Variants in STK24 observed in about 807,000 individuals in gnomAD.
STK24 encodes serine/threonine-protein kinase 24.
In STK24, 21 loss-of-function variants were observed where a neutral mutation model predicts 55.6. The observed-to-expected ratio is 0.38, with a 90% CI of 0.27 to 0.54. The LOEUF (loss-of-function observed/expected upper bound fraction) is 0.54. Ranked by LOEUF, STK24 falls within the 20% of genes least tolerant of loss-of-function variation. STK24 has a pLI of 0.79. For synonymous variants in STK24, 200 were observed against 215.2 expected, an observed-to-expected ratio of 0.93 and a Z score of 0.62; for missense variants, 383 against 538.4, an observed-to-expected ratio of 0.71 and a Z score of 2.86.
At chr13:98,489,728 G>A (rs1386918690) in intron 2 of STK24, among the ~76,000 whole-genome samples, 1 of 152,210 alleles carries the variant, frequency 6.6e-6, no homozygotes, top group African/African-American at 2.4e-5. Flanking sequence ...GGCTCAGGTG[G>A]AGAAGAGGAG....
At chr13:98,545,375 A>G (rs1211370726) in intron 1 of STK24, among the ~76,000 whole-genome samples, 2 of 152,210 alleles carry the variant, frequency 1.3e-5, no homozygotes, top group East Asian at 3.9e-4. Context: ...GGCCGGGCGC[A>G]GTGGCTCATG....
rs60623094 is a variant in STK24, at chr13:98,469,542, C to A, written c.598-2981G>T. Among the ~76,000 whole-genome samples, 13 of 133,912 alleles carry A rather than the reference C, an allele frequency of 9.7e-5. No individual in the cohort carries two copies. The South Asian group carries it at 1.2e-3, about 12-fold the overall frequency. The allele number at this position is 133,912 out of a possible 152,430, so 87.9% of individuals were successfully genotyped here. A position where few individuals can be genotyped will look rare whatever the true frequency, so the allele number is the denominator to read the frequency against. Reference sequence around the variant, plus strand: ...CAGAGCAAGACCCTGCATCCCCCCCCCCAAAAAAAAAAGGCGGCGGGGGGA... The same window carrying A: ...CAGAGCAAGACCCTGCATCCCCCCCACCAAAAAAAAAAGGCGGCGGGGGGA... On this transcript the variant is annotated intron_variant, in intron 5 of 10. Coordinates refer to ENST00000539966, the MANE Select transcript of STK24 (RefSeq NM_001032296.4).
intron 2 of STK24, among the ~76,000 whole-genome samples, chr13:98,499,837 A>G (rs529703337): frequency 1.3e-3 from 197 of 152,330 alleles, no homozygotes; most frequent in Non-Finnish European, 1.4e-3. Flanking sequence ...TTCTTAACTG[A>G]AAGGACTAAA....
intron 3 of STK24, among the ~76,000 whole-genome samples, chr13:98,478,632 A>T (rs570378298): frequency 2.6e-5 from 4 of 152,224 alleles, no homozygotes; most frequent in Non-Finnish European, 4.4e-5. Context: ...TAGAGCTGCT[A>T]TGATGGCAAC....
chr13:98,576,802 C>T lies in STK24; in HGVS notation c.-16G>A. 7.2e-7 allele frequency: 1 copy of T among 1,381,360 alleles called. No individual in the cohort carries two copies. Among genetic ancestry groups the T allele is most frequent in the Non-Finnish European group, 9.4e-7 (1 of 1,062,510 alleles). The allele number at this position is 1,381,360 out of a possible 1,614,324, so 85.6% of individuals were successfully genotyped here. On this transcript the variant is annotated 5_prime_UTR_variant, in exon 1 of 11. Coordinates refer to ENST00000539966, the MANE Select transcript of STK24 (RefSeq NM_001032296.4). ...AGTGAGCCATGGCGCTCAGGACGGC[C>T]ACTTCCTGGGACGGGACGGCCGGGC...
chr13:98,492,204 G>A (rs1327574956), intron 2 of STK24, among the ~76,000 whole-genome samples: 2 of 151,886 alleles, frequency 1.3e-5, no homozygotes, highest in Non-Finnish European at 2.9e-5. Flanking sequence ...ACTCCTTCAG[G>A]GCACAGTATT....
intron 1 of STK24, among the ~76,000 whole-genome samples, chr13:98,576,515 G>A (rs1309951259): frequency 3.3e-5 from 5 of 152,080 alleles, no homozygotes; most frequent in Non-Finnish European, 7.4e-5. Context: ...CCGGACCCAG[G>A]CCGCGGTTCC....
At chr13:98,538,654 C>T (rs1896801390) in intron 1 of STK24, among the ~76,000 whole-genome samples, 1 of 152,096 alleles carries the variant, frequency 6.6e-6, no homozygotes, top group African/African-American at 2.4e-5. Context: ...TCTCCTAGTC[C>T]TCTATTCTGG....
In STK24 at chr13:98,448,165, AGCGATGCC is replaced by A. The variant is rs1183044533; in HGVS notation, c.*5000_*5007del. The A allele has an allele frequency of 3.9e-4, 514 of 1,309,796 alleles. No individual in the cohort carries two copies. In the African/African-American group the frequency reaches 4.8e-3, roughly 12 times the overall value. 81.1% of individuals were successfully genotyped at this position (1,309,796 alleles called of 1,614,324 possible). A position where few individuals can be genotyped will look rare whatever the true frequency, so the allele number is the denominator to read the frequency against. ...CCTGACTTCACCTTGTGTTTCTGTA[AGCGATGCC>A]CACCAAAGTGTCAGGAGTCCGTCCA... is the stretch of plus-strand genomic sequence containing the variant. On this transcript the variant is annotated 3_prime_UTR_variant, in exon 11 of 11. Transcript: ENST00000539966.
At chr13:98,536,347 AT>A (rs1896735377) in intron 1 of STK24, among the ~76,000 whole-genome samples, 1 of 151,306 alleles carries the variant, frequency 6.6e-6, no homozygotes. Flanking sequence ...TCTGTTGCAT[AT>A]TCTTCTTCTA....
At chr13:98,505,904 G>A (rs1246132925) in intron 2 of STK24, among the ~76,000 whole-genome samples, 1 of 152,176 alleles carries the variant, frequency 6.6e-6, no homozygotes, top group Non-Finnish European at 1.5e-5. Flanking sequence ...TCAGAATACT[G>A]TTAACAGTTA....
intron 6 of STK24, 66 bp downstream of exon 6, chr13:98,466,310 C>T (rs1426928898): frequency 1.5e-5 from 23 of 1,511,980 alleles, no homozygotes; most frequent in African/African-American, 2.8e-5. Flanking sequence ...GCAATCCCAA[C>T]AGGATGTATC....
rs1190542753 is a variant in STK24 at position 98,452,103 on chromosome 13, C to T, written c.*1070G>A. ...CCACGAGTACACACGCACGGCCACA[C>T]ATACACAGCAGGTGCCCTGTCCTCT... On this transcript the variant is annotated 3_prime_UTR_variant, in exon 11 of 11. Coordinates refer to ENST00000539966, the MANE Select transcript of STK24 (RefSeq NM_001032296.4). 6.6e-6 allele frequency: 1 copy of T among 152,236 alleles called. No individual in the cohort carries two copies. Among genetic ancestry groups the T allele is most frequent in the Admixed American group, 6.5e-5 (1 of 15,278 alleles). 9.4% of individuals were successfully genotyped at this position (152,236 alleles called of 1,614,324 possible).
At chr13:98,482,055 A>T (rs1388222445) in intron 3 of STK24, among the ~76,000 whole-genome samples, 1 of 151,578 alleles carries the variant, frequency 6.6e-6, no homozygotes, top group East Asian at 1.9e-4. Flanking sequence ...TAACAGGGCA[A>T]GACTCTATCT....
intron 9 of STK24, among the ~76,000 whole-genome samples, chr13:98,458,644 C>T (rs1228867019): frequency 6.6e-6 from 1 of 152,240 alleles, no homozygotes; most frequent in Non-Finnish European, 1.5e-5. Context: ...CAATCCAGCA[C>T]TCTCCCTCCT....
rs1378140932 is a variant in STK24, at chr13:98,514,874, C to T, written c.273+4369G>A. On this transcript the variant is annotated intron_variant, in intron 2 of 10. Coordinates refer to ENST00000539966, the MANE Select transcript of STK24 (RefSeq NM_001032296.4). The stretch of plus-strand genomic sequence containing the variant: ...TAAAATTTTTTTAATAAGGGAAAAT[C>T]ATCATTTACTAAAAATCTACTACAT... Among the ~76,000 whole-genome samples the T allele has an allele frequency of 3.3e-5, 5 of 152,158 alleles. No homozygotes were observed. In the South Asian group the frequency reaches 8.3e-4, roughly 25 times the overall value.
intron 1 of STK24, among the ~76,000 whole-genome samples, chr13:98,548,711 A>T (rs577890135): frequency 7.8e-4 from 119 of 152,008 alleles, no homozygotes; most frequent in Non-Finnish European, 1.0e-3. Flanking sequence ...AAATTACAAA[A>T]ATTAGCCAGG....
chr13:98,485,257 G>C (rs751613723), intron 2 of STK24, among the ~76,000 whole-genome samples: 1 of 152,190 alleles, frequency 6.6e-6, no homozygotes, highest in Non-Finnish European at 1.5e-5. Flanking sequence ...CAGTCTCTCC[G>C]AGCATTCGGG....
At position 98,448,540 on chromosome 13, in the gene STK24, C is replaced by G. The variant is rs1408940662; in HGVS notation, c.*4633G>C. 1 of 555,064 alleles carries G rather than the reference C, an allele frequency of 1.8e-6. No homozygotes were observed. The highest frequency in any genetic ancestry group is 3.2e-6 in the Non-Finnish European group (1 of 311,338). 34.4% of individuals were successfully genotyped at this position (555,064 alleles called of 1,614,324 possible). On this transcript the variant is annotated 3_prime_UTR_variant, in exon 11 of 11. Coordinates refer to ENST00000539966, the MANE Select transcript of STK24 (RefSeq NM_001032296.4). Reference sequence around the variant, plus strand: ...CCTGGCATCCGCTGGGGGCGCTGTTCTTTAGCTAGTGCCAGTATTAAAACA... The same window carrying G: ...CCTGGCATCCGCTGGGGGCGCTGTTGTTTAGCTAGTGCCAGTATTAAAACA...
Sources: gnomAD v4.1 joint callset for allele counts (sites outside exome capture counted in the v4.1 genomes callset) on GRCh38, gnomAD v4.1.1 for gene constraint, MANE v1.5 for transcripts, NCBI Gene and HGNC (gene_info 2026-07-23, HGNC 2026-07-21) for gene names.